FRAS1: variants seen among roughly 807,000 people sequenced by gnomAD.
The protein encoded by FRAS1 is Fraser extracellular matrix complex subunit 1.
In FRAS1, 290 loss-of-function variants were observed where a neutral mutation model predicts 435.2. The observed-to-expected ratio is 0.67, with a 90% confidence interval of 0.61 to 0.73. The LOEUF (loss-of-function observed/expected upper bound fraction) is 0.73. FRAS1 is among the 30% of genes least tolerant of loss of function. The pLI is 0.00. For synonymous variants in FRAS1, 1,800 were observed against 1,851.0 expected (o/e 0.97, Z 0.71); for missense variants, 4,860 against 5,001.5 (o/e 0.97, Z 0.85).
chr4:78,129,212 G>T (rs1237493463), intron 2 of FRAS1, among the ~76,000 whole-genome samples: 1 of 152,120 alleles, frequency 6.6e-6, no homozygotes, highest in Non-Finnish European at 1.5e-5. Flanking sequence ...TTGTTCTTTT[G>T]GCTTAGGATT....
chr4:78,139,532 G>A (rs1012331832), intron 2 of FRAS1, among the ~76,000 whole-genome samples: 14 of 152,004 alleles, frequency 9.2e-5, no homozygotes, highest in African/African-American at 3.4e-4. Flanking sequence ...TACTTCCACC[G>A]GTTTACCCTT....
At chr4:78,474,016 A>T (rs1186548571) in intron 53 of FRAS1, among the ~76,000 whole-genome samples, 1 of 152,220 alleles carries the variant, frequency 6.6e-6, no homozygotes, top group Non-Finnish European at 1.5e-5. Context: ...AAGAGAGTCT[A>T]GTAGAACTGA....
chr4:78,267,006 C>T (rs2008786), intron 8 of FRAS1, 71 bp downstream of exon 8: 689,881 of 1,088,836 alleles, frequency 0.63, 221,244 homozygotes, highest in South Asian at 0.66. Flanking sequence ...CTTCTTATTC[C>T]GGTGTGTCCT....
chr4:78,309,552 A>T (rs1728932513), intron 15 of FRAS1, among the ~76,000 whole-genome samples: 1 of 152,216 alleles, frequency 6.6e-6, no homozygotes, highest in African/African-American at 2.4e-5. Flanking sequence ...ACAGCTAATA[A>T]GGGGCAGAGT....
intron 2 of FRAS1, among the ~76,000 whole-genome samples, chr4:78,133,990 C>T (rs1349694429): frequency 1.4e-5 from 2 of 143,002 alleles, no homozygotes; most frequent in Non-Finnish European, 3.0e-5. Context: ...GATGGACTCT[C>T]GCACTGTCGC....
chr4:78,440,667 G>A (rs536119010), intron 40 of FRAS1, among the ~76,000 whole-genome samples: 1 of 152,262 alleles, frequency 6.6e-6, no homozygotes, highest in South Asian at 2.1e-4. Context: ...TTCAGATATG[G>A]TGAACCTTTC....
intron 22 of FRAS1, among the ~76,000 whole-genome samples, chr4:78,364,349 A>T (rs1731186875): frequency 6.6e-6 from 1 of 152,166 alleles, no homozygotes; most frequent in East Asian, 1.9e-4. Context: ...TTAAAAAATA[A>T]AAGTGTTAGT....
chr4:78,380,137 C>G, intron 27 of FRAS1, 141 bp downstream of exon 27: 1 of 870,256 alleles, frequency 1.1e-6, no homozygotes, highest in Non-Finnish European at 1.7e-6. Flanking sequence ...CCCAAATACT[C>G]TCAGCTGCCT....
At chr4:78,152,607 CT>C (rs71214398) in intron 2 of FRAS1, among the ~76,000 whole-genome samples, 5,611 of 72,352 alleles carry the variant, frequency 0.078, 128 homozygotes, top group African/African-American at 0.16. Flanking sequence ...ATGTAGGCTG[CT>C]TTTTTTTTTT....
intron 2 of FRAS1, among the ~76,000 whole-genome samples, chr4:78,116,457 G>T (rs946590296): frequency 1.1e-4 from 16 of 152,214 alleles, no homozygotes; most frequent in African/African-American, 3.4e-4. Context: ...ATTATTGTGT[G>T]GGAGTCTAAG....
chr4:78,178,221 T>C (rs4334780), intron 2 of FRAS1, among the ~76,000 whole-genome samples: 56,093 of 151,994 alleles, frequency 0.37, 10,489 homozygotes, highest in African/African-American at 0.41. Flanking sequence ...ATACCAGTCA[T>C]TGGGTAGAGG....
intron 25 of FRAS1, 88 bp from the exon 26 acceptor site, chr4:78,375,651 C>T: frequency 8.5e-7 from 1 of 1,171,276 alleles, no homozygotes; most frequent in Non-Finnish European, 1.2e-6. Context: ...GTTGCATGTG[C>T]TCTGACTCTT....
chr4:78,423,276 C>G (rs1045773221), intron 34 of FRAS1, among the ~76,000 whole-genome samples: 8 of 152,054 alleles, frequency 5.3e-5, no homozygotes, highest in African/African-American at 1.7e-4. Context: ...AAGCAATTCT[C>G]CTGCCCCAGC....
rs140655204 is a variant in FRAS1 at position 78,531,655 on chromosome 4, C to G, written c.10926-2794C>G. On this transcript the variant is annotated intron_variant, in intron 70 of 73. Coordinates refer to ENST00000512123, the MANE Select transcript of FRAS1 (RefSeq NM_025074.7). Reference sequence around the variant, plus strand: ...TTGTCACCTTCACCTGGTGACCTTTCTGTCCTGTTGGAGTGAGGAAACAGA... The same window carrying G: ...TTGTCACCTTCACCTGGTGACCTTTGTGTCCTGTTGGAGTGAGGAAACAGA... Among the ~76,000 whole-genome samples, 4 of 152,302 alleles carry G rather than the reference C, an allele frequency of 2.6e-5. No homozygotes were observed. In the East Asian group the frequency reaches 7.7e-4, roughly 29 times the overall value.
At position 78,472,548 on chromosome 4, in the gene FRAS1, C is replaced by A. The variant is rs911960144; in HGVS notation, c.7522+218C>A. 6.6e-5 allele frequency among the ~76,000 whole-genome samples: 10 copies of A among 152,232 alleles called. 1 individual carries two copies. The highest frequency in any genetic ancestry group is 3.9e-4 in the East Asian group (2 of 5,180). On this transcript the variant is annotated intron_variant, in intron 52 of 73. Coordinates refer to ENST00000512123, the MANE Select transcript of FRAS1 (RefSeq NM_025074.7). Reference sequence around the variant, plus strand: ...ATGGCAAAGAAAAATTCACCTTTACCGTGCTTCCTCAACTCCTAAATTGCT... The same window carrying A: ...ATGGCAAAGAAAAATTCACCTTTACAGTGCTTCCTCAACTCCTAAATTGCT...
intron 47 of FRAS1, among the ~76,000 whole-genome samples, chr4:78,453,816 A>C (rs1719098816): frequency 6.6e-6 from 1 of 152,042 alleles, no homozygotes; most frequent in Admixed American, 6.6e-5. Context: ...AGACAATCTA[A>C]AGGTAGAATT....
Position 78,475,695 on chromosome 4 carries a change from C to A in FRAS1, c.7851+89C>A. 16 of 1,314,692 alleles carry A rather than the reference C, an allele frequency of 1.2e-5. No individual in the cohort carries two copies. The South Asian group carries it at 2.5e-4, about 20-fold the overall frequency. The allele number at this position is 1,314,692 out of a possible 1,614,324, so 81.4% of individuals were successfully genotyped here. On this transcript the variant is annotated intron_variant, in intron 54 of 73. Coordinates refer to ENST00000512123, the MANE Select transcript of FRAS1 (RefSeq NM_025074.7). ...GTGGCACTTTCCTACTTCTTCCCAA[C>A]TTTGCTTTTCACTGGTGTCCTTCTT...
chr4:78,337,525 C>A, intron 19 of FRAS1, 149 bp from the exon 20 acceptor site: 1 of 868,630 alleles, frequency 1.2e-6, no homozygotes, highest in Non-Finnish European at 1.8e-6. Flanking sequence ...AGGTCAGGTC[C>A]AAGGGTGTGC....
rs1297735117 is a variant in FRAS1, at chr4:78,283,113, A to G, written c.1255+146A>G. The stretch of plus-strand genomic sequence containing the variant: ...TGTTTCTTCATAATTTTTCTAACAA[A>G]TGATGCTAATTAATCTTTGTCTGTG... On this transcript the variant is annotated intron_variant, in intron 12 of 73. Coordinates refer to ENST00000512123, the MANE Select transcript of FRAS1 (RefSeq NM_025074.7). 4 of 607,668 alleles carry G rather than the reference A, an allele frequency of 6.6e-6. No individual in the cohort carries two copies. In the African/African-American group the frequency reaches 7.9e-5, roughly 12 times the overall value. 37.6% of individuals were successfully genotyped at this position (607,668 alleles called of 1,614,324 possible).
Sources: allele counts gnomAD v4.1 joint callset (sites outside exome capture counted in the v4.1 genomes callset), GRCh38; gene constraint gnomAD v4.1.1; transcripts MANE v1.5; gene names NCBI Gene and HGNC (gene_info 2026-07-23, HGNC 2026-07-21).